ZFAND3: variants seen among roughly 807,000 people sequenced by gnomAD.
The protein encoded by ZFAND3 is AN1-type zinc finger protein 3.
Under a neutral mutation model 29.6 loss-of-function variants are expected in ZFAND3, and 10 were observed. The ratio of observed to expected loss-of-function variants is 0.34; its 90% CI spans 0.21 to 0.57. The LOEUF (loss-of-function observed/expected upper bound fraction) is 0.57, where lower values mean the gene tolerates loss of function less well. Ranked by LOEUF, ZFAND3 falls within the 20% of genes least tolerant of loss-of-function variation. The pLI is 0.86. For missense variants in ZFAND3, 230 were observed against 304.5 expected (o/e 0.76, Z 1.82); for synonymous variants, 128 against 112.6 (o/e 1.14, Z -0.87).
intron 1 of ZFAND3, among the ~76,000 whole-genome samples, chr6:37,912,462 G>A (rs1027111827): frequency 2.6e-5 from 4 of 152,176 alleles, no homozygotes; most frequent in African/African-American, 9.7e-5. Context: ...GTAAATAGTT[G>A]TTGAAATTTG....
intron 4 of ZFAND3, among the ~76,000 whole-genome samples, chr6:38,093,977 A>G (rs1764922857): frequency 6.6e-6 from 1 of 152,146 alleles, no homozygotes; most frequent in African/African-American, 2.4e-5. Flanking sequence ...AGAGGCATAC[A>G]AGCAAGACTC....
intron 2 of ZFAND3, among the ~76,000 whole-genome samples, chr6:37,953,020 A>G (rs1394600470): frequency 6.7e-6 from 1 of 149,930 alleles, no homozygotes; most frequent in African/African-American, 2.5e-5. Flanking sequence ...GTGTTTTTAT[A>G]TTTAAAATGC....
chr6:38,054,398 T>TA (rs201113788), intron 2 of ZFAND3, among the ~76,000 whole-genome samples: 38,005 of 123,950 alleles, frequency 0.31, 6,147 homozygotes, highest in Middle Eastern at 0.44. Context: ...TGTCTCAAAT[T>TA]AAAAAAAAAA....
chr6:37,973,458 C>T (rs1432288287), intron 2 of ZFAND3, among the ~76,000 whole-genome samples: 2 of 152,220 alleles, frequency 1.3e-5, no homozygotes, highest in African/African-American at 4.8e-5. Context: ...GTAGCACTGT[C>T]TGATGCAACT....
chr6:38,107,343 G>A lies in ZFAND3; in HGVS notation c.362-9229G>A, dbSNP rs1350490670. On this transcript the variant is annotated intron_variant, in intron 4 of 5. Transcript: ENST00000287218. ...GTCCAGTATGTGGAAGAGGTGAAGT[G>A]GAGGCACCTAAAGGAACAGCATTCT... Among the ~76,000 whole-genome samples, 6 of 152,192 alleles carry A rather than the reference G, an allele frequency of 3.9e-5. No homozygotes were observed. In the South Asian group the frequency reaches 8.3e-4, roughly 21 times the overall value.
intron 1 of ZFAND3, among the ~76,000 whole-genome samples, chr6:37,844,280 T>C (rs1018584312): frequency 6.6e-6 from 1 of 151,552 alleles, no homozygotes; most frequent in Non-Finnish European, 1.5e-5. Flanking sequence ...CTTTCTTTCC[T>C]TCTCTGTCTT....
intron 5 of ZFAND3, among the ~76,000 whole-genome samples, chr6:38,117,720 AGATATCC>A (rs1765448985): frequency 6.6e-6 from 1 of 152,198 alleles, no homozygotes; most frequent in South Asian, 2.1e-4. Context: ...GGACAGCCGA[AGATATCC>A]TACAAGTACT....
chr6:38,023,540 T>G (rs1217260701), intron 2 of ZFAND3, among the ~76,000 whole-genome samples: 7 of 152,204 alleles, frequency 4.6e-5, no homozygotes, highest in African/African-American at 1.7e-4. Flanking sequence ...TTGGTCAACT[T>G]AAATAAGATT....
chr6:37,961,034 T>C (rs1023769107), intron 2 of ZFAND3, among the ~76,000 whole-genome samples: 5 of 152,142 alleles, frequency 3.3e-5, no homozygotes, highest in African/African-American at 9.7e-5. Flanking sequence ...GTGATTGCAG[T>C]ACTACATTCA....
chr6:37,921,372 GT>G (rs910689392), intron 1 of ZFAND3, among the ~76,000 whole-genome samples: 163 of 148,898 alleles, frequency 1.1e-3, no homozygotes, highest in Non-Finnish European at 1.7e-3. Context: ...TGCTGGTACT[GT>G]TTTTTTTTAT....
At chr6:37,899,473 CT>C (rs1290231133) in intron 1 of ZFAND3, among the ~76,000 whole-genome samples, 4 of 152,046 alleles carry the variant, frequency 2.6e-5, no homozygotes, top group Non-Finnish European at 5.9e-5. Flanking sequence ...TGTGCCCAGC[CT>C]GTTCATTTTT....
intron 2 of ZFAND3, among the ~76,000 whole-genome samples, chr6:37,977,052 T>G (rs1762491607): frequency 6.6e-6 from 1 of 152,220 alleles, no homozygotes; most frequent in South Asian, 2.1e-4. Flanking sequence ...GAGAAATGCA[T>G]TGTTAGGCAA....
intron 2 of ZFAND3, among the ~76,000 whole-genome samples, chr6:38,002,062 T>C (rs1044073078): frequency 6.6e-6 from 1 of 152,202 alleles, no homozygotes; most frequent in African/African-American, 2.4e-5. Flanking sequence ...TGAGATTTTG[T>C]CCTATTCAAT....
intron 1 of ZFAND3, among the ~76,000 whole-genome samples, chr6:37,892,024 C>T (rs528639497): frequency 1.3e-5 from 2 of 152,104 alleles, no homozygotes; most frequent in Admixed American, 1.3e-4. Flanking sequence ...CCATAGTGCC[C>T]GGCCAAAGTA....
At chr6:37,996,880 A>G (rs544818551) in intron 2 of ZFAND3, among the ~76,000 whole-genome samples, 11 of 152,084 alleles carry the variant, frequency 7.2e-5, no homozygotes, top group African/African-American at 1.2e-4. Flanking sequence ...ATTTATTCAC[A>G]TTTGCTCATC....
chr6:38,140,716 C>A (rs1463352729), intron 5 of ZFAND3, among the ~76,000 whole-genome samples: 1 of 152,004 alleles, frequency 6.6e-6, no homozygotes, highest in Admixed American at 6.6e-5. Flanking sequence ...CATATCTGAG[C>A]CCCCTCTCCT....
intron 1 of ZFAND3, among the ~76,000 whole-genome samples, chr6:37,926,430 C>T (rs886803431): frequency 1.2e-4 from 19 of 152,188 alleles, no homozygotes; most frequent in Admixed American, 4.6e-4. Flanking sequence ...AACCCTGTTA[C>T]TCCAGCTTCT....
intron 2 of ZFAND3, among the ~76,000 whole-genome samples, chr6:38,051,805 G>T (rs915614959): frequency 6.6e-6 from 1 of 152,198 alleles, no homozygotes. Flanking sequence ...TTTGTGGTTA[G>T]ACTGAAATGA....
At chr6:38,076,604 C>T (rs1349975219) in intron 3 of ZFAND3, among the ~76,000 whole-genome samples, 2 of 152,146 alleles carry the variant, frequency 1.3e-5, no homozygotes, top group African/African-American at 2.4e-5. Flanking sequence ...GAACTTCTAA[C>T]TCTGGGAGAT....
Sources: gnomAD v4.1 joint callset for allele counts (sites outside exome capture counted in the v4.1 genomes callset) on GRCh38, gnomAD v4.1.1 for gene constraint, MANE v1.5 for transcripts, NCBI Gene and HGNC (gene_info 2026-07-23, HGNC 2026-07-21) for gene names.